Variants in AKT3 observed in about 807,000 individuals in gnomAD.
The protein encoded by AKT3 is RAC-gamma serine/threonine-protein kinase.
A neutral mutation model predicts 65.3 loss-of-function variants in AKT3; 15 were observed. That is an observed-to-expected ratio of 0.23 (90% CI 0.15 to 0.35). The LOEUF (loss-of-function observed/expected upper bound fraction) is 0.35. AKT3 is among the 10% of genes least tolerant of loss of function. The pLI is 1.00. For synonymous variants in AKT3, 206 were observed against 183.8 expected, an observed-to-expected ratio of 1.12 and a Z score of -0.98; for missense variants, 243 against 576.5, an observed-to-expected ratio of 0.42 and a Z score of 5.92.
intron 2 of AKT3, among the ~76,000 whole-genome samples, chr1:243,701,071 T>G (rs1054215444): frequency 6.6e-6 from 1 of 152,218 alleles, no homozygotes; most frequent in Non-Finnish European, 1.5e-5. Context: ...AACACTCTAC[T>G]GAGAATCACA....
At chr1:243,824,944 T>C (rs886831975) in intron 2 of AKT3, among the ~76,000 whole-genome samples, 1 of 152,070 alleles carries the variant, frequency 6.6e-6, no homozygotes, top group Middle Eastern at 3.2e-3. Flanking sequence ...ATGATAAAGA[T>C]ACATGCAGGT....
At chr1:243,680,892 T>C (rs1683863510) in intron 3 of AKT3, among the ~76,000 whole-genome samples, 2 of 152,148 alleles carry the variant, frequency 1.3e-5, no homozygotes, top group African/African-American at 2.4e-5. Context: ...TACATCTTCA[T>C]GTATTAGTCA....
intron 8 of AKT3, among the ~76,000 whole-genome samples, chr1:243,605,567 T>C (rs1677339911): frequency 6.6e-6 from 1 of 152,204 alleles, no homozygotes; most frequent in Non-Finnish European, 1.5e-5. Flanking sequence ...TAAATCAACT[T>C]GTCTATCTCA....
chr1:243,589,317 A>AAG lies in AKT3; in HGVS notation c.697-16270_697-16269insCT, dbSNP rs1553410448. Among the ~76,000 whole-genome samples the AAG allele has an allele frequency of 4.1e-5, 6 of 147,726 alleles. No individual in the cohort carries two copies. The South Asian group carries it at 1.1e-3, about 26-fold the overall frequency. ...GCAAAACTCCATCTCAAAAAAAAAA[A>AAG]AAAAAAAGAAAAAAAAAGAAAAAAG... On this transcript the variant is annotated intron_variant, in intron 8 of 13. Coordinates refer to ENST00000673466, the MANE Select transcript of AKT3 (RefSeq NM_005465.7).
chr1:243,628,632 A>G (rs1427016170), intron 6 of AKT3, among the ~76,000 whole-genome samples: 1 of 152,154 alleles, frequency 6.6e-6, no homozygotes, highest in East Asian at 1.9e-4. Context: ...TCAACTTTGG[A>G]ACCATCTGTA....
At chr1:243,834,748 A>T (rs1255498153) in intron 2 of AKT3, among the ~76,000 whole-genome samples, 5 of 152,148 alleles carry the variant, frequency 3.3e-5, no homozygotes, top group Admixed American at 3.3e-4. Context: ...TAAAAAAAAA[A>T]GCTAAGGAAA....
chr1:243,534,318 T>C (rs1320147376), intron 12 of AKT3, among the ~76,000 whole-genome samples: 1 of 152,148 alleles, frequency 6.6e-6, no homozygotes, highest in East Asian at 1.9e-4. Context: ...GGGCCAATTC[T>C]CCAAGAAAAC....
At chr1:243,696,604 G>A (rs1685079580) in intron 2 of AKT3, among the ~76,000 whole-genome samples, 1 of 151,906 alleles carries the variant, frequency 6.6e-6, no homozygotes, top group South Asian at 2.1e-4. Context: ...CTTAGGCAAA[G>A]AAGTACAAAA....
chr1:243,691,799 G>C (rs1251613538), intron 3 of AKT3, among the ~76,000 whole-genome samples: 3 of 152,204 alleles, frequency 2.0e-5, no homozygotes, highest in Non-Finnish European at 4.4e-5. Context: ...GCTCAGGAGA[G>C]AGGCCTAGCC....
intron 2 of AKT3, among the ~76,000 whole-genome samples, chr1:243,786,054 G>A (rs188192756): frequency 6.4e-4 from 98 of 152,334 alleles, no homozygotes; most frequent in South Asian, 2.1e-3. Flanking sequence ...GAGCCTTAAA[G>A]ATCATCAAGA....
intron 2 of AKT3, among the ~76,000 whole-genome samples, chr1:243,715,912 C>G (rs540396915): frequency 1.3e-5 from 2 of 151,980 alleles, no homozygotes; most frequent in African/African-American, 4.8e-5. Flanking sequence ...AATATAAGAT[C>G]TGAAAATTTA....
In AKT3 at chr1:243,850,042, GCAA is replaced by G. The variant is rs946065439; in HGVS notation, c.-118_-116del. On this transcript the variant is annotated 5_prime_UTR_variant, in exon 1 of 14. Transcript: ENST00000673466. ...GAGTTGGGGGCGGTGGCTGTTACCT[GCAA>G]CGGCGGCGGCGGCGGTGGCGGCCCC... 1.0e-6 allele frequency: 1 copy of G among 983,806 alleles called. No homozygotes were observed. Among genetic ancestry groups the G allele is most frequent in the African/African-American group, 1.9e-5 (1 of 54,012 alleles). 60.9% of individuals were successfully genotyped at this position (983,806 alleles called of 1,614,324 possible).
intron 8 of AKT3, among the ~76,000 whole-genome samples, chr1:243,573,729 C>T (rs1449010414): frequency 6.6e-6 from 1 of 152,066 alleles, no homozygotes; most frequent in Non-Finnish European, 1.5e-5. Flanking sequence ...AATGCCAGTC[C>T]TTTCTCATAT....
At chr1:243,498,979 C>T (rs1431524993), downstream of AKT3, among the ~76,000 whole-genome samples, 2 of 152,250 alleles carry the variant, frequency 1.3e-5, no homozygotes, top group Non-Finnish European at 2.9e-5. Context: ...GCCCAGTCAC[C>T]TTCCCACACA....
At position 243,504,126 on chromosome 1, in the gene AKT3, T is replaced by C. The variant is rs1202598712; in HGVS notation, c.*1123A>G. ...AAAGTGCATGATTCTCATCAGCGTG[T>C]ACAATCCTTGCACATGGGTCAAAAG... On this transcript the variant is annotated 3_prime_UTR_variant, in exon 14 of 14. Coordinates refer to ENST00000673466, the MANE Select transcript of AKT3 (RefSeq NM_005465.7). The C allele has an allele frequency of 9.1e-6, 2 of 220,936 alleles. No individual in the cohort carries two copies. Among genetic ancestry groups the C allele is most frequent in the African/African-American group, 4.5e-5 (2 of 44,650 alleles). The allele number at this position is 220,936 out of a possible 1,614,324, so 13.7% of individuals were successfully genotyped here.
intron 3 of AKT3, among the ~76,000 whole-genome samples, chr1:243,674,925 C>G (rs1683398396): frequency 6.6e-6 from 1 of 152,154 alleles, no homozygotes; most frequent in Admixed American, 6.5e-5. Flanking sequence ...ACTCATCACC[C>G]AAATAATGAA....
intron 1 of AKT3, 83 bp downstream of exon 1, chr1:243,849,957 G>A (rs1695693232): frequency 2.1e-6 from 2 of 942,016 alleles, no homozygotes; most frequent in Non-Finnish European, 2.5e-6. Context: ...GAGGGAGGCA[G>A]GGAGGGCGGA....
rs560653525 is a variant in AKT3, at chr1:243,766,348, T to A, written c.47-70632A>T. On this transcript the variant is annotated intron_variant, in intron 2 of 13. Coordinates refer to ENST00000673466, the MANE Select transcript of AKT3 (RefSeq NM_005465.7). The stretch of plus-strand genomic sequence containing the variant: ...GGAGAAAGAAAATAAAAAAGAAAAT[T>A]AATAATAATTTTAAATTGCAATTAG... Among the ~76,000 whole-genome samples, 261 of 152,168 alleles carry A rather than the reference T, an allele frequency of 1.7e-3. 10 individuals are homozygous for A. In the South Asian group the frequency reaches 0.053, roughly 31 times the overall value.
intron 4 of AKT3, among the ~76,000 whole-genome samples, chr1:243,663,691 T>A (rs1213090500): frequency 6.6e-6 from 1 of 152,220 alleles, no homozygotes; most frequent in Non-Finnish European, 1.5e-5. Context: ...CATTTTGCTT[T>A]TATTAAAATT....
Sources: allele counts gnomAD v4.1 joint callset (sites outside exome capture counted in the v4.1 genomes callset), GRCh38; gene constraint gnomAD v4.1.1; transcripts MANE v1.5; gene names NCBI Gene and HGNC (gene_info 2026-07-23, HGNC 2026-07-21).